HYLS1: variants seen among roughly 807,000 people sequenced by gnomAD.
HYLS1 encodes the protein HYLS1 centriolar and ciliogenesis associated.
In HYLS1, 25 loss-of-function variants were observed where a neutral mutation model predicts 29.4. The ratio of observed to expected loss-of-function variants is 0.85; its 90% CI spans 0.62 to 1.19. HYLS1 has a LOEUF of 1.19. Ranked by LOEUF, HYLS1 falls within the 50% of genes most tolerant of loss-of-function variation. The pLI is 0.00. For missense variants in HYLS1, 352 were observed against 365.1 expected (o/e 0.96, Z 0.29); for synonymous variants, 128 against 126.7 (o/e 1.01, Z -0.07).
chr11:125,900,504 G>T lies in HYLS1; in HGVS notation c.*236G>T. On this transcript the variant is annotated 3_prime_UTR_variant, in exon 3 of 3. Coordinates refer to ENST00000425380, the MANE Select transcript of HYLS1 (RefSeq NM_001134793.2). Reference sequence around the variant, plus strand: ...ATATCAGAGAAAGAACAACAGACCTGGTCTTTCTATTTTGTCAAATTAGTA... The same window carrying T: ...ATATCAGAGAAAGAACAACAGACCTTGTCTTTCTATTTTGTCAAATTAGTA... 5.9e-6 allele frequency: 3 copies of T among 509,968 alleles called. No individual in the cohort carries two copies. Among genetic ancestry groups the T allele is most frequent in the East Asian group, 3.8e-5 (1 of 26,226 alleles). The allele number at this position is 509,968 out of a possible 1,614,324, so 31.6% of individuals were successfully genotyped here.
intron 1 of HYLS1, among the ~76,000 whole-genome samples, chr11:125,889,195 C>T (rs971966566): frequency 1.2e-4 from 18 of 152,166 alleles, no homozygotes; most frequent in East Asian, 3.8e-4. Flanking sequence ...AGTGTCGATA[C>T]GCATTACCAT....
upstream of HYLS1, among the ~76,000 whole-genome samples, chr11:125,884,292 T>C (rs1944270676): frequency 1.3e-5 from 2 of 152,352 alleles, no homozygotes; most frequent in South Asian, 4.1e-4. Context: ...TAAGAAAATA[T>C]ATTAACTACT....
chr11:125,888,076 A>G (rs1944340766), intron 1 of HYLS1: 1 of 152,230 alleles, frequency 6.6e-6, no homozygotes, highest in Non-Finnish European at 1.5e-5. Flanking sequence ...CGCCCCTGGG[A>G]CCAGGCGGAG....
At position 125,895,591 on chromosome 11, in the gene HYLS1, G is replaced by A. The variant is rs377076175; in HGVS notation, c.-25-3753G>A. 1.9e-5 allele frequency: 31 copies of A among 1,614,190 alleles called. No homozygotes were observed. Among genetic ancestry groups the A allele is most frequent in the Non-Finnish European group, 2.5e-5 (29 of 1,180,034 alleles). On this transcript the variant is annotated intron_variant, in intron 2 of 2. Coordinates refer to ENST00000425380, the MANE Select transcript of HYLS1 (RefSeq NM_001134793.2). ...CGAGGGAAAAAATAGCGGTAAGTCC[G>A]CTCAAGGCAGCTGAACCTAGCACTG...
chr11:125,895,511 G>A (rs1944555359), intron 2 of HYLS1: 1 of 1,614,008 alleles, frequency 6.2e-7, no homozygotes, highest in Non-Finnish European at 8.5e-7. Flanking sequence ...TGAAATCATG[G>A]GTGCCAACAT....
chr11:125,892,109 C>G (rs989746843), intron 2 of HYLS1, among the ~76,000 whole-genome samples: 3 of 152,104 alleles, frequency 2.0e-5, no homozygotes, highest in Non-Finnish European at 4.4e-5. Flanking sequence ...ATTAGAGGAT[C>G]AGGGTCTTAG....
At position 125,899,558 on chromosome 11, in the gene HYLS1, C is replaced by T; in HGVS notation, c.190C>T (p.Leu64Phe). Reference protein sequence around the residue: ...ASVAPGKRPALPVQLQYPHVE... With the variant: ...ASVAPGKRPAFPVQLQYPHVE... Reference sequence around the variant, plus strand: ...AGTAGCCCCAGGGAAGCGACCTGCTCTTCCTGTGCAACTACAGTACCCACA... The same window carrying T: ...AGTAGCCCCAGGGAAGCGACCTGCTTTTCCTGTGCAACTACAGTACCCACA... The change falls in exon 3 of 3, where the codon CTT becomes TTT. Residue 64 changes from leucine (L) to phenylalanine (F), a missense_variant. Transcript: ENST00000425380. 1.2e-6 allele frequency: 2 copies of T among 1,614,180 alleles called. No homozygotes were observed. The highest frequency in any genetic ancestry group is 2.2e-5 in the East Asian group (1 of 44,880).
intron 2 of HYLS1, chr11:125,894,416 C>G (rs3740903): frequency 4.4e-6 from 3 of 674,876 alleles, no homozygotes; most frequent in East Asian, 5.2e-5. Flanking sequence ...TGCCTAATAG[C>G]TGAGAAAATA....
At chr11:125,899,079 C>A in intron 2 of HYLS1, 1 of 375,192 alleles carries the variant, frequency 2.7e-6, no homozygotes, top group Non-Finnish European at 4.8e-6. Flanking sequence ...TTTTCTTATG[C>A]CAGAACTATA....
At position 125,895,471 on chromosome 11, in the gene HYLS1, C is replaced by T. The variant is rs773552329; in HGVS notation, c.-25-3873C>T. 2.4e-5 allele frequency: 38 copies of T among 1,614,024 alleles called. No individual in the cohort carries two copies. In the Middle Eastern group the frequency reaches 4.9e-4, roughly 21 times the overall value. On this transcript the variant is annotated intron_variant, in intron 2 of 2. Coordinates refer to ENST00000425380, the MANE Select transcript of HYLS1 (RefSeq NM_001134793.2). ...ATAGTCCTCTGAAAATTAATCACAC[C>T]GTTGGCTACATCCATTTTACACAAG...
chr11:125,896,174 C>T (rs764396386), intron 2 of HYLS1: 6 of 1,613,984 alleles, frequency 3.7e-6, no homozygotes, highest in South Asian at 2.2e-5. Flanking sequence ...TGTTTGAGTC[C>T]TCCTTATTTT....
rs1380317389 is a variant in HYLS1, at chr11:125,899,395, A to G, written c.27A>G (p.Gln9=). MEELLPDG[Q]IWANMDPEER... is the part of the protein sequence containing the mutation. ...TGGAAGAACTTCTACCTGATGGACA[A>G]ATATGGGCTAATATGGATCCAGAAG... Residue 9 remains glutamine (Q), a synonymous_variant, in exon 3 of 3, where the codon CAA becomes CAG. Transcript: ENST00000425380. 1 of 1,614,148 alleles carries G rather than the reference A, an allele frequency of 6.2e-7. No homozygotes were observed. Among genetic ancestry groups the G allele is most frequent in the South Asian group, 1.1e-5 (1 of 91,066 alleles).
chr11:125,894,256 A>G (rs201732852), intron 2 of HYLS1: 4 of 1,611,706 alleles, frequency 2.5e-6, no homozygotes, highest in Non-Finnish European at 3.4e-6. Context: ...ACTTACAGTC[A>G]TATAAGACTA....
At chr11:125,893,717 T>A in intron 2 of HYLS1, 2 of 1,311,456 alleles carry the variant, frequency 1.5e-6, no homozygotes, top group South Asian at 1.8e-5. Flanking sequence ...GCAAGTAAAT[T>A]TTTTTTTTTT....
At chr11:125,887,624 C>G (rs1944328210), upstream of HYLS1, 1 of 152,368 alleles carries the variant, frequency 6.6e-6, no homozygotes, top group Admixed American at 6.5e-5. Context: ...GGATTTAAAC[C>G]TCAGCGGTCG....
At chr11:125,898,121 T>G (rs963582057) in intron 2 of HYLS1, among the ~76,000 whole-genome samples, 2 of 152,174 alleles carry the variant, frequency 1.3e-5, no homozygotes, top group Non-Finnish European at 2.9e-5. Flanking sequence ...CATGTGAATA[T>G]GGAAAATTTC....
intron 2 of HYLS1, 60 bp downstream of exon 2, chr11:125,891,532 C>G (rs757831252): frequency 7.3e-6 from 1 of 137,560 alleles, no homozygotes; most frequent in Non-Finnish European, 1.5e-5. Flanking sequence ...TTAAGTTATT[C>G]CACCATGATC....
chr11:125,895,429 G>A, intron 2 of HYLS1: 4 of 1,614,042 alleles, frequency 2.5e-6, no homozygotes, highest in Non-Finnish European at 2.5e-6. Context: ...CCCACTAGCT[G>A]TACTTGAGCA....
intron 2 of HYLS1, chr11:125,895,310 G>A (rs1467427727): frequency 1.9e-6 from 3 of 1,613,810 alleles, no homozygotes; most frequent in East Asian, 2.2e-5. Flanking sequence ...CAATCAGAAA[G>A]AGGATAGCCA....
Sources: gnomAD v4.1 joint callset for allele counts (sites outside exome capture counted in the v4.1 genomes callset) on GRCh38, gnomAD v4.1.1 for gene constraint, MANE v1.5 for transcripts, NCBI Gene and HGNC (gene_info 2026-07-23, HGNC 2026-07-21) for gene names.